NUGGC: variants seen among roughly 807,000 people sequenced by gnomAD.
NUGGC encodes nuclear GTPase SLIP-GC.
NUGGC carries 58 observed loss-of-function variants against 92.6 expected under a neutral mutation model. The ratio of observed to expected loss-of-function variants is 0.63; its 90% CI spans 0.51 to 0.78. The LOEUF is 0.78. Among genes scored for constraint, NUGGC ranks in the 30% least tolerant of loss-of-function variants. The pLI, the probability that NUGGC is intolerant of heterozygous loss-of-function variation, is 0.00. For synonymous variants in NUGGC, 376 were observed against 366.4 expected (o/e 1.03, Z -0.30); for missense variants, 925 against 964.6 (o/e 0.96, Z 0.54).
intron 11 of NUGGC, among the ~76,000 whole-genome samples, chr8:28,046,620 T>C (rs1227184390): frequency 7.2e-5 from 11 of 151,818 alleles, no homozygotes; most frequent in Non-Finnish European, 1.6e-4. Context: ...CAATAGTCAC[T>C]CAGGAAACAA....
chr8:28,068,156 AG>A, intron 5 of NUGGC, 59 bp downstream of exon 5: 2 of 1,024,906 alleles, frequency 2.0e-6, no homozygotes, highest in Non-Finnish European at 3.0e-6. Flanking sequence ...GGAACGAAAA[AG>A]GAAGAAAGGA....
chr8:28,038,897 G>T (rs1006440382), intron 13 of NUGGC, among the ~76,000 whole-genome samples: 3 of 152,076 alleles, frequency 2.0e-5, no homozygotes, highest in African/African-American at 7.2e-5. Flanking sequence ...AATAATAAGG[G>T]TGTTTGCCTC....
intron 5 of NUGGC, among the ~76,000 whole-genome samples, 174 bp downstream of exon 5, chr8:28,068,042 G>A (rs1810486732): frequency 6.6e-6 from 1 of 151,740 alleles, no homozygotes; most frequent in Non-Finnish European, 1.5e-5. Flanking sequence ...CTGAGAGACA[G>A]TGAGAAGGAA....
At chr8:28,055,421 A>G (rs59728411) in intron 10 of NUGGC, among the ~76,000 whole-genome samples, 1 of 152,206 alleles carries the variant, frequency 6.6e-6, no homozygotes, top group East Asian at 1.9e-4. Context: ...ACCTGGGCCT[A>G]CTCCTCTGTG....
intron 2 of NUGGC, 109 bp from the exon 3 acceptor site, chr8:28,070,465 A>C (rs1810560659): frequency 3.3e-6 from 2 of 612,454 alleles, no homozygotes; most frequent in Admixed American, 2.8e-5. Flanking sequence ...GGCTGGGTGC[A>C]GTGGCTCATG....
intron 13 of NUGGC, among the ~76,000 whole-genome samples, chr8:28,037,847 T>G (rs1809595243): frequency 6.6e-6 from 1 of 152,058 alleles, no homozygotes; most frequent in South Asian, 2.1e-4. Flanking sequence ...GAGTGGGGGC[T>G]GCTACCAGCA....
At chr8:28,072,148 T>A (rs1172213766) in intron 2 of NUGGC, among the ~76,000 whole-genome samples, 1 of 152,212 alleles carries the variant, frequency 6.6e-6, no homozygotes, top group African/African-American at 2.4e-5. Flanking sequence ...CACCTCATGC[T>A]CCACGCTCAA....
chr8:28,061,590 T>G (rs1471227411), intron 7 of NUGGC, among the ~76,000 whole-genome samples: 3 of 152,232 alleles, frequency 2.0e-5, no homozygotes, highest in Non-Finnish European at 4.4e-5. Flanking sequence ...CTCCAATTTG[T>G]GATGATTCAG....
chr8:28,051,390 C>T (rs1809997811), intron 10 of NUGGC, among the ~76,000 whole-genome samples: 1 of 152,086 alleles, frequency 6.6e-6, no homozygotes, highest in African/African-American at 2.4e-5. Flanking sequence ...GATCCTAAAA[C>T]TGAGTAAATA....
rs1376301759 is a variant in NUGGC at position 28,030,370 on chromosome 8, T to C, written c.1957A>G (p.Arg653Gly). Residue 653 changes from arginine to glycine, a missense_variant, in exon 16 of 19, where the codon AGG becomes GGG. Coordinates refer to ENST00000413272, the MANE Select transcript of NUGGC (RefSeq NM_001010906.2). Reference sequence around the variant, plus strand: ...GCAGTGAGGGACTCGTAGATCCTCCTCTTCCTTCTGAGGATGTGGTCCTCC... The same window carrying C: ...GCAGTGAGGGACTCGTAGATCCTCCCCTTCCTTCTGAGGATGTGGTCCTCC... ...GLEDHILRRK[R>G]RIYESLTASV... The C allele has an allele frequency of 3.2e-6, 5 of 1,582,350 alleles. No homozygotes were observed. The highest frequency in any genetic ancestry group is 4.3e-6 in the Non-Finnish European group (5 of 1,163,102).
At chr8:28,078,942 C>A (rs1046605689) in intron 1 of NUGGC, among the ~76,000 whole-genome samples, 1 of 152,162 alleles carries the variant, frequency 6.6e-6, no homozygotes, top group African/African-American at 2.4e-5. Flanking sequence ...GTTTATTTTG[C>A]TTGTATTTCA....
intron 2 of NUGGC, among the ~76,000 whole-genome samples, chr8:28,071,868 A>G (rs1810599021): frequency 2.6e-5 from 4 of 152,092 alleles, no homozygotes; most frequent in Admixed American, 2.6e-4. Context: ...AATCACAGGG[A>G]GGCCATGAGG....
intron 5 of NUGGC, 82 bp downstream of exon 5, chr8:28,068,134 G>T: frequency 1.3e-6 from 1 of 783,806 alleles, no homozygotes; most frequent in Non-Finnish European, 2.1e-6. Context: ...AAGGAAGAAA[G>T]AAAGGAAGGA....
At chr8:28,028,147 T>C (rs1395716623) in intron 17 of NUGGC, among the ~76,000 whole-genome samples, 1 of 152,192 alleles carries the variant, frequency 6.6e-6, no homozygotes, top group African/African-American at 2.4e-5. Context: ...TTCAGATACA[T>C]TTGTACATGG....
intron 1 of NUGGC, among the ~76,000 whole-genome samples, chr8:28,080,103 G>A (rs1322260907): frequency 2.6e-5 from 4 of 151,894 alleles, no homozygotes; most frequent in East Asian, 1.9e-4. Context: ...CACCATGCCC[G>A]GCTAATTTTT....
intron 2 of NUGGC, among the ~76,000 whole-genome samples, chr8:28,072,021 C>G (rs1810602787): frequency 6.6e-6 from 1 of 152,196 alleles, no homozygotes; most frequent in African/African-American, 2.4e-5. Flanking sequence ...CCAGACAATT[C>G]AGGCAGCCCT....
At chr8:28,051,796 C>A (rs1810010824) in intron 10 of NUGGC, among the ~76,000 whole-genome samples, 1 of 152,196 alleles carries the variant, frequency 6.6e-6, no homozygotes, top group Admixed American at 6.5e-5. Context: ...GTGGCCCATG[C>A]CTGTAATCCC....
At position 28,022,131 on chromosome 8, in the gene NUGGC, GTATATATA is replaced by G. The variant is rs199620008; in HGVS notation, c.*1178_*1185del. The G allele has an allele frequency of 7.1e-6, 1 of 140,700 alleles. No individual in the cohort carries two copies. The highest frequency in any genetic ancestry group is 1.6e-5 in the Non-Finnish European group (1 of 64,486). The allele number at this position is 140,700 out of a possible 1,614,324, so 8.7% of individuals were successfully genotyped here. A position where few individuals can be genotyped will look rare whatever the true frequency, so the allele number is the denominator to read the frequency against. On this transcript the variant is annotated 3_prime_UTR_variant, in exon 19 of 19. Coordinates refer to ENST00000413272, the MANE Select transcript of NUGGC (RefSeq NM_001010906.2). ...TTTTTTTATGTATGGGTGTGTGTGT[GTATATATA>G]TATATTTTTTTCTTTTTCTTTTTTT...
intron 18 of NUGGC, 47 bp downstream of exon 18, chr8:28,026,915 G>A (rs752907330): frequency 1.6e-6 from 2 of 1,283,380 alleles, no homozygotes; most frequent in South Asian, 2.4e-5. Flanking sequence ...ACCACAGCCA[G>A]GGCTGTCTGC....
Sources: allele counts gnomAD v4.1 joint callset (sites outside exome capture counted in the v4.1 genomes callset), GRCh38; gene constraint gnomAD v4.1.1; transcripts MANE v1.5; gene names NCBI Gene and HGNC (gene_info 2026-07-23, HGNC 2026-07-21).